NOX4: variants seen among roughly 807,000 people sequenced by gnomAD.
NOX4 encodes kidney oxidase-1.
Under a neutral mutation model 87.6 loss-of-function variants are expected in NOX4, and 69 were observed. The ratio of observed to expected loss-of-function variants is 0.79; its 90% CI spans 0.65 to 0.96. The LOEUF (loss-of-function observed/expected upper bound fraction) is 0.96, where lower values mean the gene tolerates loss of function less well. Among genes scored for constraint, NOX4 ranks in the 40% least tolerant of loss-of-function variants. The pLI is 0.00. For missense variants in NOX4, 680 were observed against 681.5 expected (o/e 1.00, Z 0.02); for synonymous variants, 275 against 238.2 (o/e 1.15, Z -1.42).
At chr11:89,414,395 G>C (rs1395284469) in intron 8 of NOX4, among the ~76,000 whole-genome samples, 1 of 151,580 alleles carries the variant, frequency 6.6e-6, no homozygotes, top group East Asian at 1.9e-4. Context: ...GGAAATCTGT[G>C]GACTTAATTG....
At chr11:89,429,290 A>G (rs1943640041) in intron 7 of NOX4, among the ~76,000 whole-genome samples, 1 of 152,172 alleles carries the variant, frequency 6.6e-6, no homozygotes, top group South Asian at 2.1e-4. Flanking sequence ...TAATATCACA[A>G]TTAAAAGAAC....
intron 6 of NOX4, among the ~76,000 whole-genome samples, chr11:89,437,367 T>C (rs907063509): frequency 6.6e-6 from 1 of 152,088 alleles, no homozygotes; most frequent in Non-Finnish European, 1.5e-5. Flanking sequence ...TTCAGTTCAT[T>C]GATAGAAAAA....
At chr11:89,427,393 G>C (rs1377562118) in intron 7 of NOX4, among the ~76,000 whole-genome samples, 1 of 152,186 alleles carries the variant, frequency 6.6e-6, no homozygotes, top group Non-Finnish European at 1.5e-5. Context: ...GACGAGTTGA[G>C]AGAAGAAGGC....
intron 3 of NOX4, 147 bp downstream of exon 3, chr11:89,451,638 A>T (rs140191453): frequency 1.7e-6 from 1 of 600,438 alleles, no homozygotes; most frequent in African/African-American, 1.9e-5. Flanking sequence ...CTCACAGATC[A>T]TCTTGGCAGG....
chr11:89,492,999 G>A (rs1347492383), upstream of NOX4, among the ~76,000 whole-genome samples: 1 of 152,208 alleles, frequency 6.6e-6, no homozygotes, highest in Non-Finnish European at 1.5e-5. Flanking sequence ...TACCTACTAA[G>A]TCCCAGGCTC....
intron 4 of NOX4, among the ~76,000 whole-genome samples, chr11:89,449,129 T>A (rs2135381370): frequency 6.6e-6 from 1 of 152,292 alleles, no homozygotes; most frequent in African/African-American, 2.4e-5. Context: ...AAAGAACTAC[T>A]AAGCTATTTA....
intron 6 of NOX4, among the ~76,000 whole-genome samples, chr11:89,438,363 TA>T (rs1321947281): frequency 1.8e-5 from 2 of 109,522 alleles, no homozygotes; most frequent in African/African-American, 7.2e-5. Flanking sequence ...CTATATATTA[TA>T]TAATATATAT....
the NOX4 span, among the ~76,000 whole-genome samples, chr11:89,513,772 G>A: frequency 2.0e-5 from 3 of 152,032 alleles, no homozygotes; most frequent in Non-Finnish European, 2.9e-5. Flanking sequence ...ACAAGTTTGA[G>A]ATGGATGAGT....
At chr11:89,421,225 A>G (rs548667278) in intron 8 of NOX4, among the ~76,000 whole-genome samples, 2 of 152,168 alleles carry the variant, frequency 1.3e-5, no homozygotes, top group East Asian at 3.8e-4. Context: ...AAAGCCATCA[A>G]GTTCACTGCC....
intron 12 of NOX4, among the ~76,000 whole-genome samples, chr11:89,372,936 C>T (rs1939553724): frequency 1.3e-5 from 2 of 151,836 alleles, no homozygotes; most frequent in African/African-American, 2.4e-5. Flanking sequence ...AAAGTATTTA[C>T]TGAAGACAAG....
At chr11:89,535,967 T>C in the NOX4 span, among the ~76,000 whole-genome samples, 1 of 152,046 alleles carries the variant, frequency 6.6e-6, no homozygotes, top group African/African-American at 2.4e-5. Flanking sequence ...TTTAGTTCAG[T>C]CCTGCACTTT....
At chr11:89,547,976 G>T in the NOX4 span, among the ~76,000 whole-genome samples, 1 of 151,814 alleles carries the variant, frequency 6.6e-6, no homozygotes, top group South Asian at 2.1e-4. Context: ...CCACTCTTCT[G>T]CAGAGCAACA....
intron 13 of NOX4, among the ~76,000 whole-genome samples, chr11:89,348,796 C>T (rs776535495): frequency 6.6e-6 from 1 of 152,064 alleles, no homozygotes; most frequent in Admixed American, 6.6e-5. Flanking sequence ...AGGGGCCAAA[C>T]AAATCTGGAT....
intron 13 of NOX4, among the ~76,000 whole-genome samples, chr11:89,351,175 G>T (rs1351526926): frequency 6.6e-6 from 1 of 152,200 alleles, no homozygotes; most frequent in Non-Finnish European, 1.5e-5. Flanking sequence ...TTAGTGGTCT[G>T]GATGATTAAA....
At chr11:89,482,189 A>G (rs1380515987) in intron 2 of NOX4, among the ~76,000 whole-genome samples, 1 of 152,032 alleles carries the variant, frequency 6.6e-6, no homozygotes, top group Non-Finnish European at 1.5e-5. Context: ...ATACCTTCCT[A>G]AAAAGGCCTG....
upstream of NOX4, among the ~76,000 whole-genome samples, chr11:89,495,889 A>G (rs1946942664): frequency 6.6e-6 from 1 of 152,206 alleles, no homozygotes. Context: ...ATTAAAATTC[A>G]ATGTAAAAAG....
chr11:89,582,974 A>G, the NOX4 span, among the ~76,000 whole-genome samples: 1 of 152,178 alleles, frequency 6.6e-6, no homozygotes, highest in Non-Finnish European at 1.5e-5. Context: ...CTAGCCTGCT[A>G]TAAATAACTG....
intron 3 of NOX4, 80 bp from the exon 4 acceptor site, chr11:89,449,604 G>A: frequency 8.8e-7 from 1 of 1,130,814 alleles, no homozygotes; most frequent in Non-Finnish European, 1.3e-6. Context: ...TGTTCATTAT[G>A]TCAAAATTTT....
At chr11:89,429,886 G>A (rs1375468639) in intron 7 of NOX4, among the ~76,000 whole-genome samples, 1 of 152,084 alleles carries the variant, frequency 6.6e-6, no homozygotes, top group Non-Finnish European at 1.5e-5. Context: ...CCAAAGCCTG[G>A]CAGAGACACA....
Sources: gnomAD v4.1 joint callset for allele counts (sites outside exome capture counted in the v4.1 genomes callset) on GRCh38, gnomAD v4.1.1 for gene constraint, MANE v1.5 for transcripts, NCBI Gene and HGNC (gene_info 2026-07-23, HGNC 2026-07-21) for gene names.